PPP2R2B: variants seen among roughly 807,000 people sequenced by gnomAD.
PPP2R2B encodes the protein protein phosphatase 2 regulatory subunit Bbeta, also known as serine/threonine-protein phosphatase 2A 55 kDa regulatory subunit B beta isoform.
In PPP2R2B, 5 loss-of-function variants were observed where a neutral mutation model predicts 46.0. The observed-to-expected ratio is 0.11, with a 90% CI of 0.06 to 0.23. PPP2R2B has a LOEUF of 0.23. PPP2R2B is among the 10% of genes least tolerant of loss of function. The pLI, the probability that PPP2R2B is intolerant of heterozygous loss-of-function variation, is 1.00. For missense variants in PPP2R2B, 367 were observed against 575.0 expected (o/e 0.64, Z 3.70); for synonymous variants, 215 against 206.7 (o/e 1.04, Z -0.34).
In PPP2R2B at chr5:146,688,892, G is replaced by A. The variant is rs549689126; in HGVS notation, c.447+2236C>T. On this transcript the variant is annotated intron_variant, in intron 5 of 9. Transcript: ENST00000394411. ...CAGAAGTTCACGGTATAAACTCTACGTGGCACTTAATCCAGTTGTTTTCTC... is the reference window on the plus strand; with the variant it reads ...CAGAAGTTCACGGTATAAACTCTACATGGCACTTAATCCAGTTGTTTTCTC... Among the ~76,000 whole-genome samples, 23 of 152,196 alleles carry A rather than the reference G, an allele frequency of 1.5e-4. 1 individual carries two copies. Among genetic ancestry groups the A allele is most frequent in the Middle Eastern group, 3.4e-3 (1 of 294 alleles).
intron 2 of PPP2R2B, among the ~76,000 whole-genome samples, chr5:146,808,004 T>C (rs1757295982): frequency 1.3e-5 from 2 of 151,894 alleles, no homozygotes; most frequent in Admixed American, 6.6e-5. Flanking sequence ...TTTCACCATG[T>C]TGGCCAGGCT....
At chr5:146,749,568 GC>G (rs1219695048) in intron 2 of PPP2R2B, among the ~76,000 whole-genome samples, 1 of 150,474 alleles carries the variant, frequency 6.6e-6, no homozygotes, top group Non-Finnish European at 1.5e-5. Flanking sequence ...TCTTTGCTTA[GC>G]CTAGATCCTG....
chr5:147,069,796 T>TGTTTGTTTG lies in PPP2R2B; in HGVS notation c.50+11262_50+11263insCAAACAAAC, dbSNP rs1222116179. 7.1e-5 allele frequency among the ~76,000 whole-genome samples: 9 copies of TGTTTGTTTG among 127,176 alleles called. 1 individual carries two copies. The highest frequency in any genetic ancestry group is 2.6e-4 in the African/African-American group (8 of 31,216). The allele number at this position is 127,176 out of a possible 152,430, so 83.4% of individuals were successfully genotyped here. ...ACACATTTTATACTGTTTTTTTTTT[T>TGTTTGTTTG]TTTTTTTTTTTTGAGATGGAGTCTT... On this transcript the variant is annotated intron_variant, in intron 2 of 10. Coordinates refer to the PPP2R2B transcript ENST00000394413.
intron 2 of PPP2R2B, among the ~76,000 whole-genome samples, chr5:146,708,904 T>C (rs1780058722): frequency 6.6e-6 from 1 of 152,228 alleles, no homozygotes; most frequent in Non-Finnish European, 1.5e-5. Context: ...GAACTATGTT[T>C]GAGTTCCTGA....
At chr5:146,845,712 G>A (rs1164305786) in intron 2 of PPP2R2B, among the ~76,000 whole-genome samples, 1 of 152,202 alleles carries the variant, frequency 6.6e-6, no homozygotes, top group East Asian at 1.9e-4. Context: ...TACAGTGAGT[G>A]CGTGAAAAAT....
chr5:146,649,455 A>AT (rs1175280235), intron 6 of PPP2R2B, among the ~76,000 whole-genome samples: 1 of 148,052 alleles, frequency 6.8e-6, no homozygotes, highest in East Asian at 2.0e-4. Flanking sequence ...TATTTTTATT[A>AT]TTTTTTTGAG....
intron 1 of PPP2R2B, among the ~76,000 whole-genome samples, chr5:146,977,965 T>C (rs531650196): frequency 1.3e-4 from 20 of 152,318 alleles, no homozygotes; most frequent in African/African-American, 4.6e-4. Flanking sequence ...TCTTCTACAA[T>C]GTTTGAACTA....
In PPP2R2B at chr5:146,878,588, T is replaced by C. The variant is rs756262517; in HGVS notation, c.-125+3A>G. On this transcript the variant is annotated splice_donor_region_variant and intron_variant, in intron 1 of 9. Coordinates refer to ENST00000394411, the MANE Select transcript of PPP2R2B (RefSeq NM_181675.4). The surrounding 1 kb of genome is among the most constrained non-coding windows in gnomAD (Gnocchi z 4.5). Reference sequence around the variant, plus strand: ...AGATGGCAGGGACAGGATTCAGGCTTGCCTGGCCGGAATGAGGGTGCTGGT... The same window carrying C: ...AGATGGCAGGGACAGGATTCAGGCTCGCCTGGCCGGAATGAGGGTGCTGGT... 1.6e-6 allele frequency: 2 copies of C among 1,237,376 alleles called. No homozygotes were observed. Among genetic ancestry groups the C allele is most frequent in the Non-Finnish European group, 2.1e-6 (2 of 966,108 alleles). 76.6% of individuals were successfully genotyped at this position (1,237,376 alleles called of 1,614,324 possible). A position where few individuals can be genotyped will look rare whatever the true frequency, so the allele number is the denominator to read the frequency against.
At chr5:146,897,289 G>A (rs895733855) in intron 1 of PPP2R2B, among the ~76,000 whole-genome samples, 1 of 152,160 alleles carries the variant, frequency 6.6e-6, no homozygotes, top group African/African-American at 2.4e-5. Flanking sequence ...GAGCGGGTGT[G>A]AAAAGGGATT....
intron 5 of PPP2R2B, among the ~76,000 whole-genome samples, chr5:146,657,284 C>T (rs1581807476): frequency 6.6e-6 from 1 of 152,224 alleles, no homozygotes; most frequent in Admixed American, 6.5e-5. Flanking sequence ...ATGGCAACCT[C>T]CAGTAGCTCA....
intron 2 of PPP2R2B, among the ~76,000 whole-genome samples, chr5:146,765,703 C>T (rs1754434713): frequency 6.6e-6 from 1 of 152,184 alleles, no homozygotes; most frequent in South Asian, 2.1e-4. Flanking sequence ...ACTTGGTTTT[C>T]TCATCAGATT....
intron 1 of PPP2R2B, among the ~76,000 whole-genome samples, chr5:146,940,250 C>T (rs748398346): frequency 4.6e-5 from 7 of 152,160 alleles, no homozygotes; most frequent in Admixed American, 1.3e-4. Flanking sequence ...AGAGCCCTGC[C>T]CTCCTGGCTG....
intron 2 of PPP2R2B, among the ~76,000 whole-genome samples, chr5:146,738,278 C>T (rs959434607): frequency 6.6e-6 from 1 of 151,262 alleles, no homozygotes; most frequent in African/African-American, 2.4e-5. Flanking sequence ...TGCCTGTAGT[C>T]CCAGCTACTC....
At chr5:146,938,185 A>C (rs528611405) in intron 1 of PPP2R2B, among the ~76,000 whole-genome samples, 1 of 152,298 alleles carries the variant, frequency 6.6e-6, no homozygotes, top group South Asian at 2.1e-4. Context: ...AAAAAAGAAA[A>C]AATCCTGTTC....
At chr5:146,910,049 C>T (rs1487294631) in intron 1 of PPP2R2B, among the ~76,000 whole-genome samples, 1 of 152,198 alleles carries the variant, frequency 6.6e-6, no homozygotes, top group Non-Finnish European at 1.5e-5. Context: ...CCTTTCTCAT[C>T]TCCTGAATAA....
chr5:146,671,582 C>CA (rs1777375392), intron 5 of PPP2R2B, among the ~76,000 whole-genome samples: 1 of 152,180 alleles, frequency 6.6e-6, no homozygotes, highest in African/African-American at 2.4e-5. Context: ...CCATCAAACA[C>CA]ATTGTGTAAT....
At chr5:146,801,182 A>T (rs1205395268) in intron 2 of PPP2R2B, among the ~76,000 whole-genome samples, 2 of 152,288 alleles carry the variant, frequency 1.3e-5, no homozygotes, top group East Asian at 3.9e-4. Flanking sequence ...GGGGTGGGGA[A>T]GGAGAACATG....
intron 7 of PPP2R2B, among the ~76,000 whole-genome samples, chr5:146,620,314 C>T (rs139800758): frequency 6.6e-6 from 1 of 152,158 alleles, no homozygotes; most frequent in East Asian, 1.9e-4. Flanking sequence ...GTTTGTCTTT[C>T]TTTTGTGAGG....
intron 1 of PPP2R2B, among the ~76,000 whole-genome samples, chr5:146,922,899 C>G (rs760356167): frequency 4.0e-5 from 6 of 150,120 alleles, no homozygotes; most frequent in Admixed American, 2.0e-4. Flanking sequence ...GGTTCTCTCT[C>G]CCTGTTGGAG....
Sources: allele counts gnomAD v4.1 joint callset (sites outside exome capture counted in the v4.1 genomes callset), GRCh38; gene constraint gnomAD v4.1.1; non-coding constraint Gnocchi (gnomAD v3.1); transcripts MANE v1.5; gene names NCBI Gene and HGNC (gene_info 2026-07-23, HGNC 2026-07-21).